The following ASB15 variants were observed in gnomAD, a reference collection of about 807,000 sequenced individuals.
The protein encoded by ASB15 is ankyrin repeat and SOCS box containing 15.
A neutral mutation model predicts 58.0 loss-of-function variants in ASB15; 54 were observed. The ratio of observed to expected loss-of-function variants is 0.93; its 90% confidence interval spans 0.75 to 1.17. ASB15 has a LOEUF of 1.17. ASB15 is among the 50% of genes most tolerant of loss of function. The probability of loss-of-function intolerance (pLI) is 0.00; values close to 1 mark genes in which losing one functional copy is unlikely to be tolerated. For missense variants in ASB15, 680 were observed against 707.4 expected (o/e 0.96, Z 0.44); for synonymous variants, 249 against 262.4 (o/e 0.95, Z 0.50).
chr7:123,596,178 A>C (rs1799686676), intron 1 of ASB15, among the ~76,000 whole-genome samples: 1 of 152,158 alleles, frequency 6.6e-6, no homozygotes. Flanking sequence ...TGGAAAAAAA[A>C]ATTGGGGGGA....
At chr7:123,583,771 T>C (rs893934291) in intron 1 of ASB15, among the ~76,000 whole-genome samples, 3 of 151,956 alleles carry the variant, frequency 2.0e-5, no homozygotes, top group Non-Finnish European at 4.4e-5. Context: ...CTTCATAATA[T>C]ACTGAGAAGC....
chr7:123,601,361 T>A (rs1799875044), upstream of ASB15, among the ~76,000 whole-genome samples: 1 of 152,190 alleles, frequency 6.6e-6, no homozygotes, highest in Non-Finnish European at 1.5e-5. Context: ...TCCGTCTGTA[T>A]ATCAGACTAG....
chr7:123,605,970 C>T (rs1010163117), intron 2 of ASB15, among the ~76,000 whole-genome samples: 2 of 151,852 alleles, frequency 1.3e-5, no homozygotes, highest in African/African-American at 4.8e-5. Flanking sequence ...ATATAACAAA[C>T]GTTAAGATAA....
chr7:123,568,278 T>C (rs1164858432), intron 1 of ASB15, among the ~76,000 whole-genome samples: 1 of 152,072 alleles, frequency 6.6e-6, no homozygotes, highest in Non-Finnish European at 1.5e-5. Flanking sequence ...TTTGGGAGGC[T>C]GAGGCGGGCA....
intron 1 of ASB15, among the ~76,000 whole-genome samples, chr7:123,586,773 C>G (rs1799386583): frequency 6.6e-6 from 1 of 151,624 alleles, no homozygotes; most frequent in African/African-American, 2.4e-5. Context: ...ATGTGGATAT[C>G]CAGTTTTCCC....
At position 123,637,878 on chromosome 7, in the gene ASB15, T is replaced by TAAAAAAAAACAAAAAAA. The variant is rs1802499656; in HGVS notation, c.*906_*907insCAAAAAAAAAAAAAAAA. The TAAAAAAAAACAAAAAAA allele has an allele frequency of 1.9e-5, 1 of 52,468 alleles. No homozygotes were observed. Among genetic ancestry groups the TAAAAAAAAACAAAAAAA allele is most frequent in the Non-Finnish European group, 3.7e-5 (1 of 26,694 alleles). 3.3% of individuals were successfully genotyped at this position (52,468 alleles called of 1,614,324 possible). A position where few individuals can be genotyped will look rare whatever the true frequency, so the allele number is the denominator to read the frequency against. ...AAATTCAACATGTCCCCAGATGAACTAAAAAAAAAAAAAAAAAAAAAACCT... is the reference window on the plus strand; with the variant it reads ...AAATTCAACATGTCCCCAGATGAACTAAAAAAAAACAAAAAAAAAAAAAAAAAAAAAAAAAAAAACCT... On this transcript the variant is annotated 3_prime_UTR_variant, in exon 12 of 12. Transcript: ENST00000451215.
intron 7 of ASB15, 128 bp from the exon 8 acceptor site, chr7:123,624,441 T>C (rs1401485650): frequency 2.3e-6 from 2 of 852,672 alleles, no homozygotes; most frequent in Non-Finnish European, 3.6e-6. Context: ...AGAAATACAT[T>C]ATTTTCCTTG....
intron 3 of ASB15, among the ~76,000 whole-genome samples, chr7:123,610,234 A>G (rs1448025524): frequency 6.6e-6 from 1 of 152,170 alleles, no homozygotes; most frequent in Admixed American, 6.5e-5. Context: ...TCCAGACTCT[A>G]CTTATTAGCT....
upstream of ASB15, among the ~76,000 whole-genome samples, chr7:123,597,400 ATTG>A (rs1298374758): frequency 6.6e-6 from 1 of 152,198 alleles, no homozygotes; most frequent in South Asian, 2.1e-4. Context: ...CATTATTAGT[ATTG>A]TTGTTAATTG....
intron 1 of ASB15, among the ~76,000 whole-genome samples, chr7:123,590,800 A>G (rs1464649611): frequency 1.3e-5 from 2 of 152,128 alleles, no homozygotes; most frequent in East Asian, 3.8e-4. Flanking sequence ...TTGGTTCCAT[A>G]TGAACTTTAA....
In ASB15 at chr7:123,621,918, C is replaced by T. The variant is rs1229183504; in HGVS notation, c.452-2651C>T. Among the ~76,000 whole-genome samples, 4 of 152,212 alleles carry T rather than the reference C, an allele frequency of 2.6e-5. No individual in the cohort carries two copies. The East Asian group carries it at 5.8e-4, about 22-fold the overall frequency. Reference sequence around the variant, plus strand: ...CCAGTGGAGCCCAGAGTAAGGAGGACGCTCAGGGACCATCTGGCATGACGC... The same window carrying T: ...CCAGTGGAGCCCAGAGTAAGGAGGATGCTCAGGGACCATCTGGCATGACGC... On this transcript the variant is annotated intron_variant, in intron 7 of 11. Transcript: ENST00000451215.
At chr7:123,569,588 C>G in intron 1 of ASB15, among the ~76,000 whole-genome samples, 1 of 152,078 alleles carries the variant, frequency 6.6e-6, no homozygotes, top group East Asian at 1.9e-4. Context: ...CTGTCAGCCC[C>G]TAGGGGAAGG....
At position 123,629,186 on chromosome 7, in the gene ASB15, C is replaced by CT; in HGVS notation, c.1193dup (p.Leu399AlafsTer7). 1 of 1,613,888 alleles carries CT rather than the reference C, an allele frequency of 6.2e-7. No individual in the cohort carries two copies. Among genetic ancestry groups the CT allele is most frequent in the Non-Finnish European group, 8.5e-7 (1 of 1,179,768 alleles). On this transcript the variant is annotated frameshift_variant, in exon 10 of 12. Transcript: ENST00000451215. LOFTEE classifies it high-confidence loss of function. ...GGCCAATAATTATGAAATTGTCAGG[C>CT]TGCTTCTCTCCCATGGAGCTAATGT...
intron 4 of ASB15, among the ~76,000 whole-genome samples, chr7:123,615,024 G>A (rs980256822): frequency 6.6e-6 from 1 of 152,114 alleles, no homozygotes; most frequent in South Asian, 2.1e-4. Context: ...TATAGGTAAC[G>A]TATTCCATTG....
chr7:123,623,731 G>A (rs975502578), intron 7 of ASB15, among the ~76,000 whole-genome samples: 3 of 151,754 alleles, frequency 2.0e-5, no homozygotes, highest in Non-Finnish European at 4.4e-5. Flanking sequence ...AGACTTGGTG[G>A]TATGCGCCTG....
intron 3 of ASB15, among the ~76,000 whole-genome samples, chr7:123,611,082 CAAAAAAAAAAAAAA>C (rs34527165): frequency 1.2e-5 from 1 of 81,856 alleles, no homozygotes; most frequent in African/African-American, 4.6e-5. Flanking sequence ...AACTCCATCT[CAAAAAAAAAAAAAA>C]AAAAAAAAGA....
At chr7:123,569,255 A>C (rs1294823660) in intron 1 of ASB15, among the ~76,000 whole-genome samples, 1 of 152,200 alleles carries the variant, frequency 6.6e-6, no homozygotes, top group East Asian at 1.9e-4. Flanking sequence ...TGAGGGAATA[A>C]AAAGCTTTTC....
chr7:123,613,787 G>A (rs1800615613), intron 3 of ASB15, among the ~76,000 whole-genome samples: 1 of 152,204 alleles, frequency 6.6e-6, no homozygotes, highest in Non-Finnish European at 1.5e-5. Context: ...GCTCACACCT[G>A]TAAACCCCAG....
chr7:123,634,131 G>A (rs1802286845), intron 11 of ASB15, among the ~76,000 whole-genome samples: 1 of 151,990 alleles, frequency 6.6e-6, no homozygotes, highest in Non-Finnish European at 1.5e-5. Context: ...TTGCTGCACA[G>A]ATCATCCCAT....
Sources: gnomAD v4.1 joint callset for allele counts (sites outside exome capture counted in the v4.1 genomes callset) on GRCh38, gnomAD v4.1.1 for gene constraint, MANE v1.5 for transcripts, NCBI Gene and HGNC (gene_info 2026-07-23, HGNC 2026-07-21) for gene names.